AGO3: variants seen among roughly 807,000 people sequenced by gnomAD.
AGO3 encodes argonaute RISC catalytic component 3.
Under a neutral mutation model 105.5 loss-of-function variants are expected in AGO3, and 16 were observed. The ratio of observed to expected loss-of-function variants is 0.15; its 90% confidence interval spans 0.10 to 0.23. AGO3 has a LOEUF of 0.23. Ranked by LOEUF, AGO3 falls within the 10% of genes least tolerant of loss-of-function variation. The probability of loss-of-function intolerance (pLI) is 1.00; values close to 1 mark genes in which losing one functional copy is unlikely to be tolerated. For missense variants in AGO3, 534 were observed against 1,088.0 expected (o/e 0.49, Z 7.16); for synonymous variants, 340 against 367.3 (o/e 0.93, Z 0.85).
intron 2 of AGO3, among the ~76,000 whole-genome samples, chr1:35,950,307 T>C (rs1170107087): frequency 6.6e-6 from 1 of 152,240 alleles, no homozygotes; most frequent in Non-Finnish European, 1.5e-5. Context: ...ACTTAAATTA[T>C]CGTGCATGAA....
intron 5 of AGO3, among the ~76,000 whole-genome samples, chr1:35,979,241 G>C (rs995342934): frequency 2.0e-5 from 3 of 152,042 alleles, no homozygotes; most frequent in Non-Finnish European, 2.9e-5. Flanking sequence ...GCGGGCATCT[G>C]TAGTCCCAGC....
At position 36,037,042 on chromosome 1, in the gene AGO3, GTTAT is replaced by G. The variant is rs1300664849; in HGVS notation, c.1842+778_1842+781del. On this transcript the variant is annotated intron_variant, in intron 14 of 18. Coordinates refer to ENST00000373191, the MANE Select transcript of AGO3 (RefSeq NM_024852.4). Reference sequence around the variant, plus strand: ...CCACTCCTGTTTTTAACATCTGCCTGTTATTTCTTTGCTCTCTGTGTTTGTAACC... The same window carrying G: ...CCACTCCTGTTTTTAACATCTGCCTGTTCTTTGCTCTCTGTGTTTGTAACC... 1.0e-4 allele frequency among the ~76,000 whole-genome samples: 15 copies of G among 149,982 alleles called. No homozygotes were observed. The South Asian group carries it at 2.9e-3, about 29-fold the overall frequency.
intron 17 of AGO3, among the ~76,000 whole-genome samples, chr1:36,054,086 C>T (rs1642831448): frequency 6.6e-6 from 1 of 152,036 alleles, no homozygotes; most frequent in Non-Finnish European, 1.5e-5. Context: ...GTCCTCCCAC[C>T]TCAGCCTCCC....
chr1:35,932,893 A>G (rs1049419188), intron 1 of AGO3, among the ~76,000 whole-genome samples: 33 of 152,230 alleles, frequency 2.2e-4, no homozygotes, highest in Admixed American at 1.8e-3. Flanking sequence ...CAAAACTTTT[A>G]AAGATATTTC....
intron 2 of AGO3, among the ~76,000 whole-genome samples, chr1:35,952,788 C>A (rs1646497562): frequency 6.6e-6 from 1 of 152,166 alleles, no homozygotes; most frequent in African/African-American, 2.4e-5. Context: ...GTAGGCTCTA[C>A]TATCTAGGTA....
chr1:35,972,994 A>G (rs1646896241), intron 4 of AGO3, among the ~76,000 whole-genome samples: 1 of 150,172 alleles, frequency 6.7e-6, no homozygotes, highest in East Asian at 2.0e-4. Context: ...CCCACACCTG[A>G]CTCAGTATGT....
At position 35,963,878 on chromosome 1, in the gene AGO3, A is replaced by G. The variant is rs916911218; in HGVS notation, c.192-3077A>G. The stretch of plus-strand genomic sequence containing the variant: ...GGGTAACTGGGAAGATGGAGATACT[A>G]TTAATTAAAGAGGAGTAGCAAACAG... On this transcript the variant is annotated intron_variant, in intron 2 of 18. Transcript: ENST00000373191. Among the ~76,000 whole-genome samples, 131 of 152,218 alleles carry G rather than the reference A, an allele frequency of 8.6e-4. 1 individual carries two copies. The highest frequency in any genetic ancestry group is 3.1e-3 in the African/African-American group (128 of 41,546).
intron 14 of AGO3, among the ~76,000 whole-genome samples, chr1:36,039,118 G>T (rs921436490): frequency 6.6e-6 from 1 of 152,118 alleles, no homozygotes; most frequent in Non-Finnish European, 1.5e-5. Context: ...GTTCAGCCTA[G>T]TTATAGGAAA....
chr1:36,000,280 A>G (rs1490734648), intron 5 of AGO3, among the ~76,000 whole-genome samples: 2 of 152,192 alleles, frequency 1.3e-5, no homozygotes, highest in Non-Finnish European at 2.9e-5. Flanking sequence ...TCATTGAAAC[A>G]TATTCCTAAT....
At position 36,055,652 on chromosome 1, in the gene AGO3, C is replaced by T. The variant is rs758349465; in HGVS notation, c.2490C>T (p.His830=). ...DKEHDSAEGS[H]VSGQSNGRDP... ...TCTCTTACAGTGCTGAAGGAAGTCA[C>T]GTTTCAGGACAAAGCAATGGGCGAG... The change falls in exon 19 of 19, where the codon CAC becomes CAT. Residue 830 remains histidine, a synonymous_variant. Coordinates refer to ENST00000373191, the MANE Select transcript of AGO3 (RefSeq NM_024852.4). The surrounding 1 kb of genome is among the most constrained non-coding windows in gnomAD (Gnocchi z 4.4). The T allele has an allele frequency of 9.9e-6, 16 of 1,613,308 alleles. No individual in the cohort carries two copies. Among genetic ancestry groups the T allele is most frequent in the East Asian group, 4.5e-5 (2 of 44,860 alleles).
chr1:36,038,252 C>CTTTTT (rs781058020), intron 14 of AGO3, among the ~76,000 whole-genome samples: 9 of 112,590 alleles, frequency 8.0e-5, no homozygotes, highest in East Asian at 2.5e-4. Flanking sequence ...TGGATTTATT[C>CTTTTT]TTTTTTTTTT....
At chr1:36,047,378 C>T (rs186498896) in intron 17 of AGO3, among the ~76,000 whole-genome samples, 2 of 150,972 alleles carry the variant, frequency 1.3e-5, no homozygotes, top group East Asian at 1.9e-4. Flanking sequence ...AGAGCTTCAA[C>T]AGCAGATTTG....
chr1:36,003,707 AAAATATATAT>A (rs1394441034), intron 5 of AGO3, among the ~76,000 whole-genome samples: 1 of 120,254 alleles, frequency 8.3e-6, no homozygotes, highest in African/African-American at 3.1e-5. Context: ...AAAAAAAAAA[AAAATATATAT>A]ATATATATAT....
chr1:36,027,430 A>G lies in AGO3; in HGVS notation c.1591+132A>G. 1 of 892,342 alleles carries G rather than the reference A, an allele frequency of 1.1e-6. No individual in the cohort carries two copies. Among genetic ancestry groups the G allele is most frequent in the Non-Finnish European group, 1.6e-6 (1 of 634,870 alleles). 55.3% of individuals were successfully genotyped at this position (892,342 alleles called of 1,614,324 possible). On this transcript the variant is annotated intron_variant, in intron 12 of 18. Coordinates refer to ENST00000373191, the MANE Select transcript of AGO3 (RefSeq NM_024852.4). The surrounding 1 kb of genome is among the most constrained non-coding windows in gnomAD (Gnocchi z 4.0). ...ACAGTATTTAAAACCATGTATTATT[A>G]CTTGAAGACAAATTAATATAGCAAA...
chr1:36,045,234 T>C (rs988084204), intron 17 of AGO3, among the ~76,000 whole-genome samples: 2 of 152,036 alleles, frequency 1.3e-5, no homozygotes, highest in African/African-American at 2.4e-5. Flanking sequence ...ACTACATTTT[T>C]TTTTTTTAAC....
At chr1:36,026,743 A>G (rs1377017453) in intron 11 of AGO3, among the ~76,000 whole-genome samples, 2 of 152,204 alleles carry the variant, frequency 1.3e-5, no homozygotes, top group Admixed American at 6.5e-5. Flanking sequence ...CACCAACCCT[A>G]TAGTTGAAGC....
chr1:35,997,340 TC>T (rs1418442078), intron 5 of AGO3, among the ~76,000 whole-genome samples: 4 of 152,258 alleles, frequency 2.6e-5, no homozygotes, highest in African/African-American at 9.6e-5. Flanking sequence ...TTAAACCCAG[TC>T]CTCAACTTAG....
intron 2 of AGO3, among the ~76,000 whole-genome samples, chr1:35,958,652 CAA>C (rs11448667): frequency 6.8e-5 from 9 of 132,934 alleles, no homozygotes; most frequent in Admixed American, 1.5e-4. Context: ...GACCTTGTCT[CAA>C]AAAAAAAAAA....
rs184037836 is a variant in AGO3 at position 35,940,375 on chromosome 1, A to T, written c.20-5317A>T. Reference sequence around the variant, plus strand: ...AGCCACCACGCCCAGCCTAAAAAAAATTTTTGATTCAAAATCCAAATAAGT... The same window carrying T: ...AGCCACCACGCCCAGCCTAAAAAAATTTTTTGATTCAAAATCCAAATAAGT... On this transcript the variant is annotated intron_variant, in intron 1 of 18. Transcript: ENST00000373191. Among the ~76,000 whole-genome samples the T allele has an allele frequency of 3.5e-4, 54 of 152,176 alleles. 2 individuals carry two copies. The highest frequency in any genetic ancestry group is 3.0e-3 in the Admixed American group (46 of 15,266).
Sources: allele counts gnomAD v4.1 joint callset (sites outside exome capture counted in the v4.1 genomes callset), GRCh38; gene constraint gnomAD v4.1.1; non-coding constraint Gnocchi (gnomAD v3.1); transcripts MANE v1.5; gene names NCBI Gene and HGNC (gene_info 2026-07-23, HGNC 2026-07-21).